The following KCNAB1 variants were observed in gnomAD, a reference collection of about 807,000 sequenced individuals.
KCNAB1 encodes voltage-gated potassium channel subunit beta-1.
KCNAB1 carries 35 observed loss-of-function variants against 64.6 expected under a neutral mutation model. That is an observed-to-expected ratio of 0.54 (90% CI 0.41 to 0.72). The LOEUF is 0.72. KCNAB1 is among the 30% of genes least tolerant of loss of function. KCNAB1 has a pLI of 0.00. For missense variants in KCNAB1, 401 were observed against 512.9 expected (o/e 0.78, Z 2.11); for synonymous variants, 177 against 183.8 (o/e 0.96, Z 0.30).
chr3:156,525,510 TTTTG>T (rs768301449), intron 12 of KCNAB1, among the ~76,000 whole-genome samples: 67 of 152,344 alleles, frequency 4.4e-4, no homozygotes, highest in African/African-American at 9.4e-4. Context: ...TCAAAGGTTT[TTTTG>T]TTTGTTTGTT....
At chr3:156,262,240 A>G (rs1718473211) in intron 1 of KCNAB1, among the ~76,000 whole-genome samples, 1 of 151,922 alleles carries the variant, frequency 6.6e-6, no homozygotes, top group Non-Finnish European at 1.5e-5. Flanking sequence ...TACAGTGTTG[A>G]AAAGAAGTGG....
chr3:156,186,025 C>A (rs546949205), intron 1 of KCNAB1, among the ~76,000 whole-genome samples: 13 of 152,332 alleles, frequency 8.5e-5, no homozygotes, highest in Admixed American at 2.0e-4. Flanking sequence ...TAAATATTCT[C>A]TTCTCTGCAT....
At chr3:156,245,244 T>G (rs1288348499) in intron 1 of KCNAB1, among the ~76,000 whole-genome samples, 1 of 152,188 alleles carries the variant, frequency 6.6e-6, no homozygotes, top group Non-Finnish European at 1.5e-5. Context: ...CTTCTAAAAT[T>G]TTTATCGACG....
chr3:156,261,848 G>A lies in KCNAB1; in HGVS notation c.275+140962G>A, dbSNP rs546099098. 2.6e-5 allele frequency among the ~76,000 whole-genome samples: 4 copies of A among 152,056 alleles called. No individual in the cohort carries two copies. In the South Asian group the frequency reaches 8.3e-4, roughly 31 times the overall value. ...GAGAATTTGCCATCTTGACAATATTGACTATGCCAGTTCAGGAATATGAAC... is the reference window on the plus strand; with the variant it reads ...GAGAATTTGCCATCTTGACAATATTAACTATGCCAGTTCAGGAATATGAAC... On this transcript the variant is annotated intron_variant, in intron 1 of 13. Transcript: ENST00000490337.
Position 156,155,751 on chromosome 3 carries a change from A to G in KCNAB1, c.275+34865A>G, listed in dbSNP as rs193265593. On this transcript the variant is annotated intron_variant, in intron 1 of 13. Coordinates refer to ENST00000490337, the MANE Select transcript of KCNAB1 (RefSeq NM_172160.3). The stretch of plus-strand genomic sequence containing the variant: ...ATTGAAAGTTCAGGAGGTCCTCAAG[A>G]ATGCTCTCAGGTTCAGTGATTCACT... 2.2e-3 allele frequency among the ~76,000 whole-genome samples: 330 copies of G among 152,338 alleles called. 2 individuals are homozygous for G. The highest frequency in any genetic ancestry group is 7.5e-3 in the African/African-American group (312 of 41,576).
intron 1 of KCNAB1, among the ~76,000 whole-genome samples, chr3:156,382,997 T>C (rs1287530591): frequency 6.6e-6 from 1 of 152,218 alleles, no homozygotes; most frequent in African/African-American, 2.4e-5. Flanking sequence ...AGATGATCTT[T>C]CGGGTGCTTT....
intron 2 of KCNAB1, among the ~76,000 whole-genome samples, chr3:156,423,665 A>G (rs1344087226): frequency 6.6e-6 from 1 of 152,236 alleles, no homozygotes; most frequent in Non-Finnish European, 1.5e-5. Flanking sequence ...TTTTTCTTCT[A>G]GACATGTTCA....
At chr3:156,350,214 C>T (rs190567433) in intron 1 of KCNAB1, among the ~76,000 whole-genome samples, 137 of 152,192 alleles carry the variant, frequency 9.0e-4, no homozygotes, top group African/African-American at 3.2e-3. Context: ...ATGTTTAAAA[C>T]ATGTCAGATA....
chr3:156,270,261 G>C (rs2108490797), intron 1 of KCNAB1, among the ~76,000 whole-genome samples: 1 of 152,174 alleles, frequency 6.6e-6, no homozygotes, highest in Non-Finnish European at 1.5e-5. Flanking sequence ...TTTGACTGGA[G>C]AGTTTAGTCC....
At chr3:156,410,262 C>T (rs1001102937) in intron 1 of KCNAB1, among the ~76,000 whole-genome samples, 1 of 152,064 alleles carries the variant, frequency 6.6e-6, no homozygotes, top group Non-Finnish European at 1.5e-5. Flanking sequence ...ACTCATAACC[C>T]GGTGAAAAAC....
chr3:156,252,757 A>G (rs1717902190), intron 1 of KCNAB1, among the ~76,000 whole-genome samples: 1 of 152,196 alleles, frequency 6.6e-6, no homozygotes, highest in African/African-American at 2.4e-5. Flanking sequence ...CACTCAGGAC[A>G]GGCTTTCTTC....
intron 1 of KCNAB1, among the ~76,000 whole-genome samples, chr3:156,197,115 T>C (rs1713999850): frequency 6.6e-6 from 1 of 152,148 alleles, no homozygotes; most frequent in Admixed American, 6.6e-5. Flanking sequence ...TATTGATTTG[T>C]GTATGTTGAA....
intron 2 of KCNAB1, among the ~76,000 whole-genome samples, chr3:156,443,948 AC>A (rs1215447652): frequency 1.3e-5 from 2 of 152,174 alleles, no homozygotes; most frequent in Non-Finnish European, 2.9e-5. Flanking sequence ...CCCCTTGAGG[AC>A]CTGGGTGGCA....
intron 1 of KCNAB1, among the ~76,000 whole-genome samples, chr3:156,402,111 C>T (rs1158844902): frequency 2.7e-5 from 4 of 150,590 alleles, no homozygotes; most frequent in Non-Finnish European, 5.9e-5. Flanking sequence ...TAACAAACCT[C>T]CACATTGTGC....
intron 1 of KCNAB1, among the ~76,000 whole-genome samples, chr3:156,314,101 A>C (rs900053175): frequency 6.6e-6 from 1 of 152,248 alleles, no homozygotes; most frequent in Non-Finnish European, 1.5e-5. Flanking sequence ...TTCATTAGTA[A>C]ACTCCTGCAG....
Position 156,277,818 on chromosome 3 carries a change from C to T in KCNAB1, c.276-143798C>T, listed in dbSNP as rs186894343. Among the ~76,000 whole-genome samples the T allele has an allele frequency of 4.5e-4, 68 of 152,260 alleles. No homozygotes were observed. In the South Asian group the frequency reaches 4.8e-3, roughly 11 times the overall value. On this transcript the variant is annotated intron_variant, in intron 1 of 13. Coordinates refer to ENST00000490337, the MANE Select transcript of KCNAB1 (RefSeq NM_172160.3). ...TATTATTAGCTTGCTGAAGAACCTC[C>T]ATATCATTTTTCCATAGTTGGGCGT...
chr3:156,264,509 C>T (rs1480428488), intron 1 of KCNAB1, among the ~76,000 whole-genome samples: 1 of 151,826 alleles, frequency 6.6e-6, no homozygotes, highest in Non-Finnish European at 1.5e-5. Flanking sequence ...TTAGCTTGTT[C>T]ATTTTTAAAA....
At position 156,356,118 on chromosome 3, in the gene KCNAB1, T is replaced by TAAA. The variant is rs369640404; in HGVS notation, c.276-65483_276-65481dup. 6.8e-5 allele frequency among the ~76,000 whole-genome samples: 6 copies of TAAA among 88,332 alleles called. 1 individual carries two copies. In the South Asian group the frequency reaches 1.6e-3, roughly 24 times the overall value. The allele number at this position is 88,332 out of a possible 152,430, so 57.9% of individuals were successfully genotyped here. On this transcript the variant is annotated intron_variant, in intron 1 of 13. Transcript: ENST00000490337. ...GCCTGAGTGACAGAGTGGGACCCTG[T>TAAA]AAAAAAAAAAAAAAAAAGAAAGAAA...
intron 2 of KCNAB1, among the ~76,000 whole-genome samples, chr3:156,426,585 T>A (rs1486862970): frequency 6.6e-6 from 1 of 152,196 alleles, no homozygotes; most frequent in African/African-American, 2.4e-5. Context: ...TATAGTATCA[T>A]ACAGAATAGT....
Sources: allele counts gnomAD v4.1 joint callset (sites outside exome capture counted in the v4.1 genomes callset), GRCh38; gene constraint gnomAD v4.1.1; transcripts MANE v1.5; gene names NCBI Gene and HGNC (gene_info 2026-07-23, HGNC 2026-07-21).